UGT1A6: variants seen among roughly 807,000 people sequenced by gnomAD.
UGT1A6 encodes UDP glucuronosyltransferase family 1 member A6, also known as UDP-glucuronosyltransferase 1A6.
A neutral mutation model predicts 44.4 loss-of-function variants in UGT1A6; 32 were observed. The observed-to-expected ratio is 0.72, with a 90% CI of 0.54 to 0.97. The LOEUF (loss-of-function observed/expected upper bound fraction) is 0.97, where lower values mean the gene tolerates loss of function less well. UGT1A6 is among the 50% of genes least tolerant of loss of function. The probability of loss-of-function intolerance (pLI) is 0.00; values close to 1 mark genes in which losing one functional copy is unlikely to be tolerated. For missense variants in UGT1A6, 685 were observed against 661.9 expected, an observed-to-expected ratio of 1.03 and a Z score of -0.38; for synonymous variants, 238 against 248.5, an observed-to-expected ratio of 0.96 and a Z score of 0.40.
chr2:233,741,836 G>A (rs547216882), intron 1 of UGT1A6: 1 of 151,972 alleles, frequency 6.6e-6, no homozygotes, highest in South Asian at 2.1e-4. Context: ...CAGTTCAGTT[G>A]CCTTTTGCTC....
rs576733843 is a variant in UGT1A6 at position 233,754,931 on chromosome 2, G to A, written c.862-12103G>A. ...TATTCTCCAGCGGGTTTCCCAAGAG[G>A]TCAAAGGAGAATGGGTCCCGGCCGC... On this transcript the variant is annotated intron_variant, in intron 1 of 4. Transcript: ENST00000305139. 20 of 1,344,540 alleles carry A rather than the reference G, an allele frequency of 1.5e-5. No homozygotes were observed. The African/African-American group carries it at 2.2e-4, about 15-fold the overall frequency. The allele number at this position is 1,344,540 out of a possible 1,614,324, so 83.3% of individuals were successfully genotyped here. A position where few individuals can be genotyped will look rare whatever the true frequency, so the allele number is the denominator to read the frequency against.
intron 1 of UGT1A6, among the ~76,000 whole-genome samples, chr2:233,733,728 TG>T (rs1325830019): frequency 1.3e-5 from 2 of 152,260 alleles, no homozygotes; most frequent in Admixed American, 6.5e-5. Flanking sequence ...TGAGGATTTT[TG>T]CATCGATGTT....
Position 233,772,498 on chromosome 2 carries a change from A to C in UGT1A6, c.1538A>C (p.Tyr513Ser). The change falls in exon 5 of 5, where the codon TAC (tyrosine) becomes TCC (serine). Residue 513 changes from tyrosine to serine, a missense_variant. Physicochemically the swap from Tyr to Ser is moderately radical, Grantham distance 144 (BLOSUM62 -2). Coordinates refer to ENST00000305139, the MANE Select transcript of UGT1A6 (RefSeq NM_001072.4). ...FITFKCCAYG[Y>S]RKCLGKKGRV... is the part of the protein sequence containing the mutation. ...ACCTTTAAATGTTGTGCTTATGGCTACCGGAAATGCTTGGGGAAAAAAGGG... is the reference window on the plus strand; with the variant it reads ...ACCTTTAAATGTTGTGCTTATGGCTCCCGGAAATGCTTGGGGAAAAAAGGG... 1.2e-6 allele frequency: 2 copies of C among 1,614,186 alleles called. No individual in the cohort carries two copies. The highest frequency in any genetic ancestry group is 2.2e-5 in the South Asian group (2 of 91,082).
chr2:233,724,658 G>C lies in UGT1A6; in HGVS notation c.861+30793G>C, dbSNP rs1029278749. 3.5e-5 allele frequency among the ~76,000 whole-genome samples: 5 copies of C among 142,980 alleles called. 1 individual carries two copies. Among genetic ancestry groups the C allele is most frequent in the African/African-American group, 1.3e-4 (5 of 37,636 alleles). 93.8% of individuals were successfully genotyped at this position (142,980 alleles called of 152,430 possible). On this transcript the variant is annotated intron_variant, in intron 1 of 4. Coordinates refer to ENST00000305139, the MANE Select transcript of UGT1A6 (RefSeq NM_001072.4). ...GATGTGATGGCGGCTGGGAAGAGGC[G>C]CTCCTCACTTCCTAGATGGGATGGC...
intron 4 of UGT1A6, chr2:233,771,576 T>C (rs1332686610): frequency 6.6e-6 from 1 of 152,308 alleles, no homozygotes; most frequent in Admixed American, 6.5e-5. Flanking sequence ...GGTGGTTGTT[T>C]ACAACTTCAA....
At chr2:233,744,237 T>A (rs1220461600) in intron 1 of UGT1A6, among the ~76,000 whole-genome samples, 1 of 151,784 alleles carries the variant, frequency 6.6e-6, no homozygotes, top group African/African-American at 2.4e-5. Context: ...GGGCCTTGAC[T>A]TTGGCTGCCT....
Position 233,743,607 on chromosome 2 carries a change from A to G in UGT1A6, c.862-23427A>G, listed in dbSNP as rs531629615. 1.8e-5 allele frequency: 24 copies of G among 1,367,342 alleles called. No homozygotes were observed. In the East Asian group the frequency reaches 1.0e-3, roughly 57 times the overall value. 84.7% of individuals were successfully genotyped at this position (1,367,342 alleles called of 1,614,324 possible). A position where few individuals can be genotyped will look rare whatever the true frequency, so the allele number is the denominator to read the frequency against. The stretch of plus-strand genomic sequence containing the variant: ...AAGGAGAATGGGTCCTGGCCGCCGA[A>G]GAACTCCCTGAAGACGTCGGCTGGG... On this transcript the variant is annotated intron_variant, in intron 1 of 4. Transcript: ENST00000305139.
rs773213473 is a variant in UGT1A6 at position 233,743,806 on chromosome 2, C to T, written c.862-23228C>T. 2.9e-6 allele frequency: 4 copies of T among 1,367,218 alleles called. No individual in the cohort carries two copies. The South Asian group carries it at 4.5e-5, about 16-fold the overall frequency. The allele number at this position is 1,367,218 out of a possible 1,614,324, so 84.7% of individuals were successfully genotyped here. On this transcript the variant is annotated intron_variant, in intron 1 of 4. Coordinates refer to ENST00000305139, the MANE Select transcript of UGT1A6 (RefSeq NM_001072.4). ...ATCTCCTCTCCGCTTCCTCCTTGTT[C>T]TCAGGGTTTTTGTCGGGGTGCCACT...
At position 233,713,984 on chromosome 2, in the gene UGT1A6, G is replaced by T. The variant is rs562772168; in HGVS notation, c.861+20119G>T. 6.3e-4 allele frequency: 992 copies of T among 1,585,892 alleles called. 2 individuals are homozygous for T. Among genetic ancestry groups the T allele is most frequent in the Non-Finnish European group, 8.0e-4 (939 of 1,166,642 alleles). ...GATTTCATTTCTGCTTCTCATTGTT[G>T]TAATAGTCTTCAGTGAGATAAACTT... On this transcript the variant is annotated intron_variant, in intron 1 of 4. Transcript: ENST00000305139.
At chr2:233,716,112 T>C (rs2076486973) in intron 1 of UGT1A6, among the ~76,000 whole-genome samples, 1 of 152,226 alleles carries the variant, frequency 6.6e-6, no homozygotes, top group Admixed American at 6.5e-5. Context: ...ATTTAGTTTT[T>C]CCATCTTAGT....
At chr2:233,709,178 C>T (rs1251204225) in intron 1 of UGT1A6, among the ~76,000 whole-genome samples, 1 of 152,082 alleles carries the variant, frequency 6.6e-6, no homozygotes, top group Non-Finnish European at 1.5e-5. Flanking sequence ...ATGTTCTATC[C>T]TGAGCTGGGA....
At chr2:233,691,704 TC>T (rs995733225), upstream of UGT1A6, 2 of 946,920 alleles carry the variant, frequency 2.1e-6, no homozygotes, top group African/African-American at 3.5e-5. Flanking sequence ...GAGGAGTCAC[TC>T]CCCTGGCAGA....
Position 233,768,056 on chromosome 2 carries a change from T to G in UGT1A6, c.1081+120T>G, listed in dbSNP as rs35523971. The G allele has an allele frequency of 3.2e-4, 515 of 1,603,390 alleles. No homozygotes were observed. In the African/African-American group the frequency reaches 5.5e-3, roughly 17 times the overall value. On this transcript the variant is annotated intron_variant, in intron 3 of 4. Transcript: ENST00000305139. The stretch of plus-strand genomic sequence containing the variant: ...ATATTATGGCCAACATATCCTACAT[T>G]GCTTTTTATCTAGTGGGGTATCTCA...
At chr2:233,742,247 A>G (rs748626852) in intron 1 of UGT1A6, among the ~76,000 whole-genome samples, 6 of 152,004 alleles carry the variant, frequency 3.9e-5, no homozygotes, top group Non-Finnish European at 7.3e-5. Context: ...ATTTACCCAC[A>G]TATTTATTGA....
chr2:233,747,015 G>A lies in UGT1A6; in HGVS notation c.862-20019G>A, dbSNP rs911515983. 7.2e-5 allele frequency among the ~76,000 whole-genome samples: 11 copies of A among 151,822 alleles called. 1 individual carries two copies. The highest frequency in any genetic ancestry group is 2.2e-4 in the African/African-American group (9 of 41,118). Reference sequence around the variant, plus strand: ...ATGAGTTTTTCAAGTAGGAGTGATCGGTCTTTCCCGAAGTGGGACCCATAA... The same window carrying A: ...ATGAGTTTTTCAAGTAGGAGTGATCAGTCTTTCCCGAAGTGGGACCCATAA... On this transcript the variant is annotated intron_variant, in intron 1 of 4. Coordinates refer to ENST00000305139, the MANE Select transcript of UGT1A6 (RefSeq NM_001072.4).
intron 1 of UGT1A6, chr2:233,755,366 T>A (rs938544322): frequency 6.9e-5 from 25 of 362,910 alleles, no homozygotes; most frequent in African/African-American, 5.3e-4. Flanking sequence ...CTGGGCCGCC[T>A]GGAGGGCCGC....
In UGT1A6 at chr2:233,769,619, C is replaced by T; in HGVS notation, c.1301+1180C>T. The T allele has an allele frequency of 6.2e-7, 1 of 1,612,516 alleles. No individual in the cohort carries two copies. Among genetic ancestry groups the T allele is most frequent in the African/African-American group, 1.3e-5 (1 of 75,052 alleles). ...GAACACGGGGACACACCAGCTTGAG[C>T]AAGGGACAACAGGGGAGGACTGATG... On this transcript the variant is annotated intron_variant, in intron 4 of 4. Transcript: ENST00000305139. The surrounding 1 kb of genome is among the most constrained non-coding windows in gnomAD (Gnocchi z 4.4).
At chr2:233,764,575 ACT>A (rs1417974721) in intron 1 of UGT1A6, among the ~76,000 whole-genome samples, 4 of 152,070 alleles carry the variant, frequency 2.6e-5, no homozygotes, top group African/African-American at 9.7e-5. Context: ...GAGAACTTAG[ACT>A]CGGCCTTTTC....
chr2:233,712,436 A>G (rs2076234082), intron 1 of UGT1A6, among the ~76,000 whole-genome samples: 2 of 152,212 alleles, frequency 1.3e-5, no homozygotes, highest in African/African-American at 2.4e-5. Flanking sequence ...CCTGGTGTGA[A>G]AAACGACCAA....
Sources: allele counts gnomAD v4.1 joint callset (sites outside exome capture counted in the v4.1 genomes callset), GRCh38; gene constraint gnomAD v4.1.1; non-coding constraint Gnocchi (gnomAD v3.1); transcripts MANE v1.5; gene names NCBI Gene and HGNC (gene_info 2026-07-23, HGNC 2026-07-21).